MCOLN2: variants seen among roughly 807,000 people sequenced by gnomAD.
The protein encoded by MCOLN2 is mucolipin-2.
A neutral mutation model predicts 67.5 loss-of-function variants in MCOLN2; 57 were observed. The ratio of observed to expected loss-of-function variants is 0.84; its 90% CI spans 0.68 to 1.05. The LOEUF (loss-of-function observed/expected upper bound fraction) is 1.05, where lower values mean the gene tolerates loss of function less well. MCOLN2 is among the 50% of genes least tolerant of loss of function. The pLI is 0.00. For synonymous variants in MCOLN2, 246 were observed against 233.3 expected (o/e 1.05, Z -0.50); for missense variants, 620 against 678.8 (o/e 0.91, Z 0.96).
At chr1:84,938,204 G>T in intron 9 of MCOLN2, 122 bp from the exon 10 acceptor site, 1 of 465,944 alleles carries the variant, frequency 2.1e-6, no homozygotes, top group Admixed American at 4.1e-5. Flanking sequence ...AGGTGATAGA[G>T]TTTTTTTTTG....
At chr1:84,946,666 G>A (rs113307533) in intron 7 of MCOLN2, among the ~76,000 whole-genome samples, 3 of 152,026 alleles carry the variant, frequency 2.0e-5, no homozygotes, top group Non-Finnish European at 4.4e-5. Flanking sequence ...AGATTTTTCC[G>A]ATTTGGGATG....
intron 11 of MCOLN2, among the ~76,000 whole-genome samples, chr1:84,935,006 G>T (rs1328013643): frequency 3.9e-5 from 6 of 152,154 alleles, no homozygotes; most frequent in South Asian, 4.1e-4. Flanking sequence ...GAAAGAATTA[G>T]CTTTCACAAT....
chr1:84,984,259 C>T (rs987688761), intron 1 of MCOLN2, among the ~76,000 whole-genome samples: 5 of 152,124 alleles, frequency 3.3e-5, no homozygotes, highest in African/African-American at 9.7e-5. Flanking sequence ...ATTAACTGCC[C>T]TTTTCCCCAT....
In MCOLN2 at chr1:84,997,050, A is replaced by G. The variant is rs1333328991; in HGVS notation, c.-178T>C. The G allele has an allele frequency of 2.0e-5, 12 of 611,602 alleles. No individual in the cohort carries two copies. The highest frequency in any genetic ancestry group is 3.2e-5 in the Non-Finnish European group (11 of 348,412). The allele number at this position is 611,602 out of a possible 1,614,324, so 37.9% of individuals were successfully genotyped here. A position where few individuals can be genotyped will look rare whatever the true frequency, so the allele number is the denominator to read the frequency against. On this transcript the variant is annotated 5_prime_UTR_variant, in exon 1 of 14. Transcript: ENST00000370608. Reference sequence around the variant, plus strand: ...TGGTGCGCGCAGACCCCGGCCCGAGAGCAGGCGCCGCAGTCGTGGAGTGCG... The same window carrying G: ...TGGTGCGCGCAGACCCCGGCCCGAGGGCAGGCGCCGCAGTCGTGGAGTGCG...
intron 6 of MCOLN2, among the ~76,000 whole-genome samples, chr1:84,950,648 A>G (rs1648373139): frequency 6.6e-6 from 1 of 152,202 alleles, no homozygotes; most frequent in East Asian, 1.9e-4. Flanking sequence ...AGTACTTATT[A>G]GGGTGAACAC....
At chr1:84,974,904 G>A (rs1649920067) in intron 1 of MCOLN2, among the ~76,000 whole-genome samples, 1 of 152,144 alleles carries the variant, frequency 6.6e-6, no homozygotes, top group Non-Finnish European at 1.5e-5. Flanking sequence ...TGGCAGTACT[G>A]CCCATGGGCT....
At position 84,931,453 on chromosome 1, in the gene MCOLN2, C is replaced by T. The variant is rs376975848; in HGVS notation, c.1451G>A (p.Arg484His). 3.7e-5 allele frequency: 59 copies of T among 1,611,844 alleles called. No individual in the cohort carries two copies. The highest frequency in any genetic ancestry group is 1.7e-4 in the African/African-American group (13 of 74,820). The stretch of plus-strand genomic sequence containing the variant: ...GCTGATGAAGGAATATAAATACAGA[C>T]GACTGAACAGCCACACCAAGATGCT... ...QKSILVWLFS[R>H]LYLYSFISLF... Residue 484 changes from arginine to histidine, a missense_variant, in exon 12 of 14, where the codon CGT becomes CAT. Transcript: ENST00000370608.
chr1:84,937,754 C>G lies in MCOLN2; in HGVS notation c.1335+1G>C. 2 of 1,614,156 alleles carry G rather than the reference C, an allele frequency of 1.2e-6. No homozygotes were observed. Among genetic ancestry groups the G allele is most frequent in the Non-Finnish European group, 8.5e-7 (1 of 1,180,024 alleles). The stretch of plus-strand genomic sequence containing the variant: ...CAGAAGGAAGAATGTGAGCTACACA[C>G]CTTGTCATGGTATGGTCCTAAGACA... On this transcript the variant is annotated splice_donor_variant, in intron 11 of 13. Coordinates refer to ENST00000370608, the MANE Select transcript of MCOLN2 (RefSeq NM_153259.4). LOFTEE classifies it high-confidence loss of function.
At chr1:84,943,959 C>T (rs1372588595) in intron 7 of MCOLN2, among the ~76,000 whole-genome samples, 1 of 152,042 alleles carries the variant, frequency 6.6e-6, no homozygotes, top group Middle Eastern at 3.4e-3. Flanking sequence ...TTTTTTTTCC[C>T]CTTGGATCCA....
At chr1:84,963,201 T>A (rs1649183835) in intron 2 of MCOLN2, among the ~76,000 whole-genome samples, 1 of 152,140 alleles carries the variant, frequency 6.6e-6, no homozygotes, top group East Asian at 1.9e-4. Context: ...TGAACCTACC[T>A]CACAGGATTG....
chr1:84,989,341 A>T (rs1650769617), intron 1 of MCOLN2, among the ~76,000 whole-genome samples: 1 of 152,198 alleles, frequency 6.6e-6, no homozygotes, highest in Admixed American at 6.5e-5. Context: ...TTAAAAAGTG[A>T]ATTAAAAATA....
intron 1 of MCOLN2, among the ~76,000 whole-genome samples, chr1:84,993,919 C>T (rs190591260): frequency 5.3e-5 from 8 of 152,036 alleles, no homozygotes; most frequent in African/African-American, 7.2e-5. Context: ...TGTGAGCCAC[C>T]GCGCCCGGCC....
At chr1:84,929,714 T>C (rs777109384) in intron 12 of MCOLN2, 35 bp from the exon 13 acceptor site, 28 of 1,593,448 alleles carry the variant, frequency 1.8e-5, no homozygotes, top group Admixed American at 8.5e-5. Context: ...ACCTTATTTA[T>C]AAGGCATGAG....
chr1:84,967,412 G>C (rs1305964619), intron 1 of MCOLN2, among the ~76,000 whole-genome samples: 1 of 152,106 alleles, frequency 6.6e-6, no homozygotes, highest in Non-Finnish European at 1.5e-5. Context: ...TTCTTGGAAA[G>C]GTTTTATACT....
At chr1:84,987,413 T>C (rs747228315) in intron 1 of MCOLN2, among the ~76,000 whole-genome samples, 16,413 of 128,378 alleles carry the variant, frequency 0.13, 1,158 homozygotes, top group East Asian at 0.21. Flanking sequence ...TATATTTATA[T>C]ATGTATATAC....
At chr1:84,942,994 A>G (rs952401164) in intron 7 of MCOLN2, among the ~76,000 whole-genome samples, 1 of 152,160 alleles carries the variant, frequency 6.6e-6, no homozygotes, top group Non-Finnish European at 1.5e-5. Context: ...TTCTTTATAA[A>G]TTAGCTAGTT....
intron 11 of MCOLN2, among the ~76,000 whole-genome samples, chr1:84,934,013 T>C (rs755801498): frequency 1.3e-5 from 2 of 152,166 alleles, no homozygotes; most frequent in African/African-American, 2.4e-5. Flanking sequence ...AATTCCATAG[T>C]AGAAGTGAGC....
intron 1 of MCOLN2, among the ~76,000 whole-genome samples, chr1:84,974,257 T>C (rs1160911237): frequency 6.6e-6 from 1 of 152,014 alleles, no homozygotes; most frequent in Non-Finnish European, 1.5e-5. Context: ...AGTGCTGAAC[T>C]GGGCCCAGAA....
At chr1:84,928,400 C>T (rs139077265) in intron 13 of MCOLN2, among the ~76,000 whole-genome samples, 73 of 152,270 alleles carry the variant, frequency 4.8e-4, no homozygotes, top group African/African-American at 1.7e-3. Flanking sequence ...TTGGGGTCCA[C>T]GCCTTAAATC....
Sources: gnomAD v4.1 joint callset for allele counts (sites outside exome capture counted in the v4.1 genomes callset) on GRCh38, gnomAD v4.1.1 for gene constraint, MANE v1.5 for transcripts, NCBI Gene and HGNC (gene_info 2026-07-23, HGNC 2026-07-21) for gene names.